The following SERPINA12 variants were observed in gnomAD, a reference collection of about 807,000 sequenced individuals.
SERPINA12 encodes serpin family A member 12, also known as serpin A12.
Under a neutral mutation model 25.9 loss-of-function variants are expected in SERPINA12, and 21 were observed. The ratio of observed to expected loss-of-function variants is 0.81; its 90% CI spans 0.58 to 1.17. SERPINA12 has a LOEUF of 1.17. SERPINA12 is among the 50% of genes most tolerant of loss of function. SERPINA12 has a pLI of 0.00. For synonymous variants in SERPINA12, 220 were observed against 196.0 expected (o/e 1.12, Z -1.02); for missense variants, 562 against 508.3 (o/e 1.11, Z -1.02).
intron 2 of SERPINA12, among the ~76,000 whole-genome samples, chr14:94,514,875 G>A (rs1200795263): frequency 6.6e-6 from 1 of 152,186 alleles, no homozygotes; most frequent in Non-Finnish European, 1.5e-5. Flanking sequence ...GGATTAGGCT[G>A]GATGTCAAGA....
At chr14:94,508,237 T>C (rs964249323) in intron 1 of SERPINA12, among the ~76,000 whole-genome samples, 12 of 152,374 alleles carry the variant, frequency 7.9e-5, no homozygotes, top group Admixed American at 6.5e-4. Flanking sequence ...AATCAATAAA[T>C]GATTTAAAAT....
intron 3 of SERPINA12, among the ~76,000 whole-genome samples, chr14:94,495,069 T>TC (rs1313585570): frequency 1.5e-5 from 2 of 133,992 alleles, no homozygotes; most frequent in Admixed American, 7.3e-5. Context: ...CCTTTCTTTT[T>TC]TTTTTTTTTT....
chr14:94,489,178 A>C (rs1159056301), intron 4 of SERPINA12, among the ~76,000 whole-genome samples: 1 of 144,952 alleles, frequency 6.9e-6, no homozygotes, highest in East Asian at 2.1e-4. Context: ...AAAAAAAGAG[A>C]GAGAGAGACA....
intron 3 of SERPINA12, among the ~76,000 whole-genome samples, chr14:94,496,167 C>A (rs574212341): frequency 2.0e-5 from 3 of 152,226 alleles, no homozygotes; most frequent in Non-Finnish European, 4.4e-5. Flanking sequence ...ATCTACTGCG[C>A]CCTCACAGTC....
At chr14:94,498,711 TC>T (rs1900581468) in intron 1 of SERPINA12, among the ~76,000 whole-genome samples, 1 of 152,140 alleles carries the variant, frequency 6.6e-6, no homozygotes, top group Non-Finnish European at 1.5e-5. Flanking sequence ...CAGCTCTCCT[TC>T]CCTCCATTGG....
At chr14:94,496,286 T>C in intron 3 of SERPINA12, 87 bp downstream of exon 3, 1 of 1,334,384 alleles carries the variant, frequency 7.5e-7, no homozygotes, top group Non-Finnish European at 1.1e-6. Flanking sequence ...AGAAGAGGAC[T>C]TGGCCATGAG....
At chr14:94,494,479 G>T (rs1325183529) in intron 3 of SERPINA12, among the ~76,000 whole-genome samples, 1 of 152,160 alleles carries the variant, frequency 6.6e-6, no homozygotes, top group African/African-American at 2.4e-5. Flanking sequence ...TTTCAATAAA[G>T]TCACATTTAT....
At chr14:94,510,751 TACC>T (rs1216628952), upstream of SERPINA12, among the ~76,000 whole-genome samples, 3 of 152,226 alleles carry the variant, frequency 2.0e-5, no homozygotes, top group Non-Finnish European at 4.4e-5. Context: ...CACCATGGAA[TACC>T]ACTCAGCCAT....
intron 1 of SERPINA12, chr14:94,503,999 G>C (rs1280037860): frequency 6.6e-6 from 1 of 152,216 alleles, no homozygotes; most frequent in Non-Finnish European, 1.5e-5. Context: ...CTGGATTTTG[G>C]AGATCCTCTA....
At chr14:94,500,942 C>A (rs952772457) in intron 1 of SERPINA12, 1 of 982,480 alleles carries the variant, frequency 1.0e-6, no homozygotes, top group African/African-American at 1.7e-5. Flanking sequence ...CTCATGCCTT[C>A]GTAGCTGTGT....
intron 1 of SERPINA12, among the ~76,000 whole-genome samples, chr14:94,501,671 C>T (rs1419635534): frequency 7.8e-6 from 1 of 127,994 alleles, no homozygotes; most frequent in Admixed American, 7.6e-5. Flanking sequence ...TCCCCGCCCC[C>T]CCACCCCCGC....
At chr14:94,513,231 T>G (rs1433971087), upstream of SERPINA12, among the ~76,000 whole-genome samples, 13 of 152,222 alleles carry the variant, frequency 8.5e-5, no homozygotes, top group Admixed American at 7.8e-4. Context: ...TGCCACGGCT[T>G]GTTTGCTGAT....
intron 1 of SERPINA12, among the ~76,000 whole-genome samples, chr14:94,502,180 G>T (rs1311694943): frequency 6.6e-6 from 1 of 152,040 alleles, no homozygotes; most frequent in Non-Finnish European, 1.5e-5. Flanking sequence ...TGAAGCTATA[G>T]TCAGTATTTC....
intron 4 of SERPINA12, among the ~76,000 whole-genome samples, chr14:94,488,042 G>A (rs1452868367): frequency 6.6e-6 from 1 of 152,146 alleles, no homozygotes; most frequent in East Asian, 1.9e-4. Flanking sequence ...TTTCTTGCTA[G>A]CCTACAAAAT....
At position 94,500,943 on chromosome 14, in the gene SERPINA12, G is replaced by A. The variant is rs200979383; in HGVS notation, c.-33-2513C>T. The A allele has an allele frequency of 7.4e-5, 73 of 981,298 alleles. No individual in the cohort carries two copies. The East Asian group carries it at 2.3e-3, about 31-fold the overall frequency. 60.8% of individuals were successfully genotyped at this position (981,298 alleles called of 1,614,324 possible). A position where few individuals can be genotyped will look rare whatever the true frequency, so the allele number is the denominator to read the frequency against. On this transcript the variant is annotated intron_variant, in intron 1 of 4. Transcript: ENST00000677451. ...TTCTGTGCTCTGCTCTCATGCCTTC[G>A]TAGCTGTGTGACATTCCAGAAAGCA...
At chr14:94,494,387 G>T (rs1445729775) in intron 3 of SERPINA12, among the ~76,000 whole-genome samples, 3 of 152,240 alleles carry the variant, frequency 2.0e-5, no homozygotes, top group African/African-American at 7.2e-5. Flanking sequence ...CACGGAACAT[G>T]GCTTGGAGGC....
At chr14:94,501,173 C>T (rs1900704806) in intron 1 of SERPINA12, 2 of 984,978 alleles carry the variant, frequency 2.0e-6, no homozygotes, top group Admixed American at 1.2e-4. Context: ...GTTTAGGGGG[C>T]TGCACTGTTT....
intron 3 of SERPINA12, among the ~76,000 whole-genome samples, chr14:94,491,470 G>T (rs1173542951): frequency 6.6e-6 from 1 of 151,994 alleles, no homozygotes; most frequent in Non-Finnish European, 1.5e-5. Flanking sequence ...TCATTCTGTT[G>T]CCTCTGTTAA....
rs577886750 is a variant in SERPINA12 at position 94,499,482 on chromosome 14, ATAC to A, written c.-33-1055_-33-1053del. Among the ~76,000 whole-genome samples, 26 of 152,374 alleles carry A rather than the reference ATAC, an allele frequency of 1.7e-4. 1 individual carries two copies. The East Asian group carries it at 3.9e-3, about 23-fold the overall frequency. ...AGCTTATTGATTTCTCTGGTTGGAC[ATAC>A]TACTGTCAGTGATGGTCACACCCAT... On this transcript the variant is annotated intron_variant, in intron 1 of 4. Transcript: ENST00000677451.
Sources: gnomAD v4.1 joint callset for allele counts (sites outside exome capture counted in the v4.1 genomes callset) on GRCh38, gnomAD v4.1.1 for gene constraint, MANE v1.5 for transcripts, NCBI Gene and HGNC (gene_info 2026-07-23, HGNC 2026-07-21) for gene names.